Variants in RAB27A observed in about 807,000 individuals in gnomAD.
RAB27A encodes the protein RAB27A, member RAS oncogene family.
In RAB27A, 17 loss-of-function variants were observed where a neutral mutation model predicts 20.8. That is an observed-to-expected ratio of 0.82 (90% CI 0.56 to 1.23). The LOEUF (loss-of-function observed/expected upper bound fraction) is 1.23, where lower values mean the gene tolerates loss of function less well. RAB27A is among the 50% of genes most tolerant of loss of function. The pLI is 0.00. For synonymous variants in RAB27A, 85 were observed against 92.8 expected, an observed-to-expected ratio of 0.92 and a Z score of 0.48; for missense variants, 277 against 266.7, an observed-to-expected ratio of 1.04 and a Z score of -0.27.
At chr15:55,298,038 T>TA (rs962234471) in intron 2 of RAB27A, among the ~76,000 whole-genome samples, 20 of 151,148 alleles carry the variant, frequency 1.3e-4, no homozygotes, top group Non-Finnish European at 2.2e-4. Flanking sequence ...CCGTCTCTAC[T>TA]AAAAAAAATA....
At chr15:55,311,519 G>A (rs572237598) in intron 2 of RAB27A, among the ~76,000 whole-genome samples, 2 of 152,238 alleles carry the variant, frequency 1.3e-5, no homozygotes, top group African/African-American at 2.4e-5. Context: ...CTGGGGTAGG[G>A]AGGTAGACTC....
chr15:55,214,237 C>G (rs202093140), intron 6 of RAB27A, among the ~76,000 whole-genome samples: 17 of 152,262 alleles, frequency 1.1e-4, no homozygotes, highest in South Asian at 4.1e-4. Flanking sequence ...GAGATCGAGA[C>G]CATCCTGGCT....
chr15:55,254,084 G>T (rs1347165202), intron 2 of RAB27A, among the ~76,000 whole-genome samples: 1 of 152,166 alleles, frequency 6.6e-6, no homozygotes, highest in African/African-American at 2.4e-5. Context: ...AGTCACACAT[G>T]AAAATCAATC....
At chr15:55,276,688 C>G (rs529409916) in intron 1 of RAB27A, among the ~76,000 whole-genome samples, 16 of 152,252 alleles carry the variant, frequency 1.1e-4, no homozygotes, top group African/African-American at 3.4e-4. Flanking sequence ...TTAAAGAGAA[C>G]AAGTTTCAGT....
At chr15:55,284,136 GA>G (rs1898088744) in intron 1 of RAB27A, among the ~76,000 whole-genome samples, 1 of 152,206 alleles carries the variant, frequency 6.6e-6, no homozygotes, top group South Asian at 2.1e-4. Context: ...AGCAGTTAGA[GA>G]AAGCAGTTCA....
chr15:55,248,968 A>C (rs1566919630), intron 2 of RAB27A: 2 of 152,236 alleles, frequency 1.3e-5, no homozygotes. Flanking sequence ...GACAAGGTCA[A>C]ATCAGATATA....
chr15:55,302,674 T>C (rs1264052855), intron 2 of RAB27A, among the ~76,000 whole-genome samples: 1 of 103,526 alleles, frequency 9.7e-6, no homozygotes, highest in Non-Finnish European at 1.8e-5. Context: ...GTGAGGAGCG[T>C]CTCTGCCCGG....
intron 2 of RAB27A, among the ~76,000 whole-genome samples, chr15:55,268,738 G>A (rs376255692): frequency 3.9e-5 from 6 of 152,186 alleles, no homozygotes; most frequent in African/African-American, 1.4e-4. Context: ...AATGTTTACT[G>A]CATGCATTTT....
intron 2 of RAB27A, among the ~76,000 whole-genome samples, chr15:55,305,327 G>A (rs1046977300): frequency 6.6e-6 from 1 of 152,204 alleles, no homozygotes; most frequent in African/African-American, 2.4e-5. Context: ...CCTCGGGAGA[G>A]GTGACTTTGA....
intron 1 of RAB27A, among the ~76,000 whole-genome samples, chr15:55,276,853 C>T (rs1199467685): frequency 6.6e-6 from 1 of 152,088 alleles, no homozygotes. Context: ...ATAAAACAGG[C>T]AGGATAAAAC....
intron 2 of RAB27A, among the ~76,000 whole-genome samples, chr15:55,303,621 C>T (rs1190728808): frequency 9.6e-6 from 1 of 104,270 alleles, no homozygotes; most frequent in Non-Finnish European, 2.0e-5. Context: ...AGGGGGTCGG[C>T]CCCCCGCCCG....
chr15:55,287,573 C>A (rs1263621829), intron 1 of RAB27A, among the ~76,000 whole-genome samples: 1 of 151,676 alleles, frequency 6.6e-6, no homozygotes, highest in Non-Finnish European at 1.5e-5. Flanking sequence ...CATGGAGAAA[C>A]CCTGTCTCTA....
At chr15:55,210,087 C>CGT (rs1566896865) in intron 6 of RAB27A, among the ~76,000 whole-genome samples, 1 of 129,088 alleles carries the variant, frequency 7.7e-6, no homozygotes, top group South Asian at 2.4e-4. Context: ...CATATATACA[C>CGT]ATATATGTGT....
chr15:55,294,050 ATGCATATGAAAT>A (rs2054937174), upstream of RAB27A, among the ~76,000 whole-genome samples: 1 of 152,210 alleles, frequency 6.6e-6, no homozygotes, highest in Non-Finnish European at 1.5e-5. Context: ...GTATGCTAAA[ATGCATATGAAAT>A]TGCAAAGGAC....
intron 2 of RAB27A, among the ~76,000 whole-genome samples, chr15:55,307,145 A>G (rs537699198): frequency 1.3e-5 from 2 of 152,048 alleles, no homozygotes; most frequent in South Asian, 2.1e-4. Flanking sequence ...GGACTTGACT[A>G]ATACCATGAC....
chr15:55,280,644 G>A (rs190073018), intron 1 of RAB27A, among the ~76,000 whole-genome samples: 37 of 151,888 alleles, frequency 2.4e-4, no homozygotes, highest in Admixed American at 1.2e-3. Flanking sequence ...TTCTCCTAAT[G>A]CTATCCCTCC....
chr15:55,240,662 A>T (rs1299774993), intron 2 of RAB27A, among the ~76,000 whole-genome samples: 1 of 152,158 alleles, frequency 6.6e-6, no homozygotes, highest in African/African-American at 2.4e-5. Context: ...AGCCACCTGT[A>T]TTTGAGTCCA....
At chr15:55,214,175 G>A (rs746077612) in intron 6 of RAB27A, among the ~76,000 whole-genome samples, 3 of 152,244 alleles carry the variant, frequency 2.0e-5, no homozygotes, top group Non-Finnish European at 4.4e-5. Flanking sequence ...GATGGCTGAT[G>A]CCTGTAATCC....
At chr15:55,246,679 G>A (rs1244027815) in intron 2 of RAB27A, among the ~76,000 whole-genome samples, 1 of 151,582 alleles carries the variant, frequency 6.6e-6, no homozygotes, top group East Asian at 1.9e-4. Context: ...GGAAACAGGT[G>A]TGGCTGTTTG....
Sources: allele counts gnomAD v4.1 joint callset (sites outside exome capture counted in the v4.1 genomes callset), GRCh38; gene constraint gnomAD v4.1.1; transcripts MANE v1.5; gene names NCBI Gene and HGNC (gene_info 2026-07-23, HGNC 2026-07-21).